Variants in ADAMTSL1 observed in about 807,000 individuals in gnomAD.
ADAMTSL1 encodes the protein ADAMTS-like protein 1.
ADAMTSL1 carries 126 observed loss-of-function variants against 201.8 expected under a neutral mutation model. That is an observed-to-expected ratio of 0.62 (90% CI 0.54 to 0.72). The LOEUF (loss-of-function observed/expected upper bound fraction) is 0.72. ADAMTSL1 is among the 30% of genes least tolerant of loss of function. The pLI is 0.00. For missense variants in ADAMTSL1, 2,679 were observed against 2,277.8 expected, an observed-to-expected ratio of 1.18 and a Z score of -3.59; for synonymous variants, 1,121 against 903.4, an observed-to-expected ratio of 1.24 and a Z score of -4.32.
At chr9:18,906,552 A>C (rs747669810) in intron 27 of ADAMTSL1, 140 bp from the exon 28 acceptor site, 12 of 692,428 alleles carry the variant, frequency 1.7e-5, no homozygotes, top group African/African-American at 3.6e-5. Context: ...AACAGCACAG[A>C]AATCAGAATC....
chr9:18,717,953 G>A, intron 14 of ADAMTSL1: 8 of 1,444,826 alleles, frequency 5.5e-6, no homozygotes, highest in Non-Finnish European at 6.8e-6. Context: ...CTGACTCAGA[G>A]CTGCAATGCA....
chr9:18,014,570 T>C (rs1024332219), intron 1 of ADAMTSL1, among the ~76,000 whole-genome samples: 1 of 152,014 alleles, frequency 6.6e-6, no homozygotes. Context: ...TTAACGCAAG[T>C]TGGGTATGTG....
chr9:18,044,567 C>T (rs1821577274), intron 1 of ADAMTSL1, among the ~76,000 whole-genome samples: 1 of 152,126 alleles, frequency 6.6e-6, no homozygotes, highest in South Asian at 2.1e-4. Context: ...ATTTCTCCAC[C>T]ACTTCCTTTA....
intron 2 of ADAMTSL1, among the ~76,000 whole-genome samples, chr9:18,365,010 G>T (rs1467074447): frequency 1.3e-5 from 2 of 152,042 alleles, no homozygotes; most frequent in Non-Finnish European, 2.9e-5. Flanking sequence ...GAGATTGAGT[G>T]GGGACACAGA....
At chr9:18,466,258 C>G (rs1017288327) in intron 2 of ADAMTSL1, among the ~76,000 whole-genome samples, 3 of 152,156 alleles carry the variant, frequency 2.0e-5, no homozygotes, top group Non-Finnish European at 4.4e-5. Flanking sequence ...CTATGTTTCT[C>G]TCAGTTGCAC....
chr9:18,248,102 C>T (rs943361856), intron 2 of ADAMTSL1, among the ~76,000 whole-genome samples: 15 of 152,106 alleles, frequency 9.9e-5, no homozygotes, highest in Admixed American at 5.2e-4. Flanking sequence ...TTATTTAAGC[C>T]TCAGCTTAAT....
chr9:18,905,648 A>T, intron 26 of ADAMTSL1, 134 bp from the exon 27 acceptor site: 1 of 650,712 alleles, frequency 1.5e-6, no homozygotes, highest in East Asian at 2.8e-5. Context: ...TAGCCCAAAG[A>T]GGGGAAAGAT....
At chr9:18,647,242 A>G (rs1209262196) in intron 7 of ADAMTSL1, among the ~76,000 whole-genome samples, 1 of 151,860 alleles carries the variant, frequency 6.6e-6, no homozygotes, top group Non-Finnish European at 1.5e-5. Context: ...TATCCCCTTT[A>G]TCATTTTTTA....
chr9:18,785,118 C>T lies in ADAMTSL1; in HGVS notation c.3677+7212C>T, dbSNP rs533375215. ...GGTGGAGGTTGCAGTGAGCTGGTAT[C>T]GTGCCACTGCATTCTGGCCTGGGTG... is the stretch of plus-strand genomic sequence containing the variant. On this transcript the variant is annotated intron_variant, in intron 19 of 28. Transcript: ENST00000380548. Among the ~76,000 whole-genome samples the T allele has an allele frequency of 7.9e-5, 12 of 151,734 alleles. No individual in the cohort carries two copies. The East Asian group carries it at 1.4e-3, about 17-fold the overall frequency.
intron 19 of ADAMTSL1, among the ~76,000 whole-genome samples, chr9:18,790,786 G>T (rs1254305162): frequency 2.0e-5 from 3 of 151,814 alleles, no homozygotes; most frequent in Non-Finnish European, 2.9e-5. Context: ...CTAGAAGTAG[G>T]GTCAAAGAAG....
intron 1 of ADAMTSL1, among the ~76,000 whole-genome samples, chr9:18,028,929 G>T (rs1474934146): frequency 1.3e-5 from 2 of 152,056 alleles, no homozygotes; most frequent in South Asian, 4.1e-4. Flanking sequence ...TGTCGTCTTT[G>T]ATTTCATTGA....
Position 18,208,492 on chromosome 9 carries a change from G to A in ADAMTSL1, c.207+44511G>A, listed in dbSNP as rs568535525. On this transcript the variant is annotated intron_variant, in intron 2 of 29. Coordinates refer to the ADAMTSL1 transcript ENST00000680146. ...CCAAGCAGTCATCTGGGTCCTCAGG[G>A]CAAATGTCTTACTTTGCTAAGCTGA... Among the ~76,000 whole-genome samples the A allele has an allele frequency of 5.9e-5, 9 of 152,272 alleles. No homozygotes were observed. In the South Asian group the frequency reaches 1.7e-3, roughly 28 times the overall value.
At chr9:17,935,058 G>C (rs918479637) in intron 1 of ADAMTSL1, among the ~76,000 whole-genome samples, 1 of 151,874 alleles carries the variant, frequency 6.6e-6, no homozygotes, top group Non-Finnish European at 1.5e-5. Context: ...CTCTTGAATG[G>C]ATTGTAGTCA....
chr9:18,138,217 C>G (rs1300187507), intron 1 of ADAMTSL1, among the ~76,000 whole-genome samples: 1 of 152,016 alleles, frequency 6.6e-6, no homozygotes, highest in African/African-American at 2.4e-5. Flanking sequence ...GTTCAAATTG[C>G]TCTGTAAATG....
chr9:18,231,077 C>G (rs1265073757), intron 2 of ADAMTSL1, among the ~76,000 whole-genome samples: 1 of 152,162 alleles, frequency 6.6e-6, no homozygotes, highest in East Asian at 1.9e-4. Context: ...GTCCCAATAC[C>G]TCAGACCAGC....
intron 9 of ADAMTSL1, among the ~76,000 whole-genome samples, chr9:18,664,590 T>G (rs886138535): frequency 1.9e-4 from 29 of 152,122 alleles, no homozygotes; most frequent in African/African-American, 7.0e-4. Context: ...ACACTAGGAT[T>G]TTTACCTATT....
intron 2 of ADAMTSL1, among the ~76,000 whole-genome samples, chr9:18,331,899 C>A (rs7038607): frequency 0.46 from 69,163 of 151,910 alleles, 16,301 homozygotes; most frequent in Admixed American, 0.57. Flanking sequence ...ATATTTTAGC[C>A]ACTGAGACAG....
At chr9:18,328,427 A>G (rs1460623273) in intron 2 of ADAMTSL1, among the ~76,000 whole-genome samples, 1 of 152,214 alleles carries the variant, frequency 6.6e-6, no homozygotes, top group African/African-American at 2.4e-5. Context: ...CTCTTACTGC[A>G]TACCAGGTGT....
At position 18,377,166 on chromosome 9, in the gene ADAMTSL1, A is replaced by T. The variant is rs189992891; in HGVS notation, c.208-127663A>T. Among the ~76,000 whole-genome samples the T allele has an allele frequency of 1.9e-4, 29 of 152,336 alleles. 1 individual carries two copies. The highest frequency in any genetic ancestry group is 8.5e-4 in the Admixed American group (13 of 15,294). On this transcript the variant is annotated intron_variant, in intron 2 of 29. Coordinates refer to the ADAMTSL1 transcript ENST00000680146. ...CTCTGAAATTGGATTATATGGGTTC[A>T]AGCCCTCTCGCGTCATTTACTAGCT... is the stretch of plus-strand genomic sequence containing the variant.
Sources: allele counts gnomAD v4.1 joint callset (sites outside exome capture counted in the v4.1 genomes callset), GRCh38; gene constraint gnomAD v4.1.1; transcripts MANE v1.5; gene names NCBI Gene and HGNC (gene_info 2026-07-23, HGNC 2026-07-21).